The following TNFSF4 variants were observed in gnomAD, a reference collection of about 807,000 sequenced individuals.
TNFSF4 encodes the protein TNF superfamily member 4.
Under a neutral mutation model 7.3 loss-of-function variants are expected in TNFSF4, and 4 were observed. The ratio of observed to expected loss-of-function variants is 0.55; its 90% CI spans 0.27 to 1.25. The LOEUF (loss-of-function observed/expected upper bound fraction) is 1.25, where lower values mean the gene tolerates loss of function less well. TNFSF4 is among the 50% of genes most tolerant of loss of function. The pLI is 0.12. For missense variants in TNFSF4, 181 were observed against 208.8 expected (o/e 0.87, Z 0.82); for synonymous variants, 76 against 83.7 (o/e 0.91, Z 0.50).
At chr1:173,384,298 AAG>A in the TNFSF4 span, among the ~76,000 whole-genome samples, 2 of 152,220 alleles carry the variant, frequency 1.3e-5, no homozygotes, top group Admixed American at 6.5e-5. Flanking sequence ...GTACTATGGA[AAG>A]AAATAAAAAG....
At chr1:173,379,486 T>C in the TNFSF4 span, among the ~76,000 whole-genome samples, 29 of 152,096 alleles carry the variant, frequency 1.9e-4, no homozygotes, top group African/African-American at 6.3e-4. Context: ...CTTAAGAAAA[T>C]ATACTCCCCT....
At chr1:173,213,615 A>G in the TNFSF4 span, among the ~76,000 whole-genome samples, 1 of 152,254 alleles carries the variant, frequency 6.6e-6, no homozygotes, top group Non-Finnish European at 1.5e-5. Context: ...ATTTTAGACA[A>G]TAAATTGCAT....
At chr1:173,334,536 A>T in the TNFSF4 span, among the ~76,000 whole-genome samples, 4 of 152,176 alleles carry the variant, frequency 2.6e-5, no homozygotes, top group African/African-American at 9.7e-5. Context: ...TAAACATAGA[A>T]TCTCATCCTG....
chr1:173,317,046 A>G, the TNFSF4 span, among the ~76,000 whole-genome samples: 1 of 152,138 alleles, frequency 6.6e-6, no homozygotes, highest in African/African-American at 2.4e-5. Context: ...TCATTCTGGG[A>G]CTTCAGTCAT....
chr1:173,205,315 A>G (rs1378218463), intron 1 of TNFSF4: 2 of 1,612,056 alleles, frequency 1.2e-6, no homozygotes. Flanking sequence ...ACTCACCATG[A>G]GGTTTAGTGT....
At chr1:173,274,829 TAA>T in the TNFSF4 span, among the ~76,000 whole-genome samples, 1 of 152,118 alleles carries the variant, frequency 6.6e-6, no homozygotes, top group African/African-American at 2.4e-5. Context: ...ATTTGATAAG[TAA>T]AAAAGAGTAC....
At chr1:173,250,079 T>C in the TNFSF4 span, among the ~76,000 whole-genome samples, 1 of 152,164 alleles carries the variant, frequency 6.6e-6, no homozygotes, top group African/African-American at 2.4e-5. Flanking sequence ...CCAAAGAAAA[T>C]TTAGTGCTGA....
At chr1:173,297,114 G>C in the TNFSF4 span, among the ~76,000 whole-genome samples, 1 of 151,954 alleles carries the variant, frequency 6.6e-6, no homozygotes, top group Non-Finnish European at 1.5e-5. Context: ...TAGTGGGAGA[G>C]AAAGATACAG....
the TNFSF4 span, among the ~76,000 whole-genome samples, chr1:173,419,317 G>A: frequency 6.6e-5 from 10 of 151,372 alleles, no homozygotes; most frequent in Non-Finnish European, 1.2e-4. Context: ...ACTCCAGCCT[G>A]GGTGACAGAG....
the TNFSF4 span, among the ~76,000 whole-genome samples, chr1:173,177,764 T>C: frequency 6.6e-6 from 1 of 152,292 alleles, no homozygotes; most frequent in East Asian, 1.9e-4. Context: ...AAACTTGTTA[T>C]TATGGAACTT....
the TNFSF4 span, among the ~76,000 whole-genome samples, chr1:173,234,516 T>A: frequency 1.1e-4 from 17 of 152,156 alleles, no homozygotes; most frequent in Admixed American, 1.1e-3. Flanking sequence ...TGCAGCACTA[T>A]TCACAATAGC....
the TNFSF4 span, chr1:173,362,743 T>C: frequency 7.6e-6 from 3 of 395,536 alleles, no homozygotes; most frequent in African/African-American, 6.3e-5. Flanking sequence ...CAACACATCT[T>C]GAAGATACTT....
the TNFSF4 span, among the ~76,000 whole-genome samples, chr1:173,387,475 G>T: frequency 2.6e-5 from 4 of 152,136 alleles, no homozygotes; most frequent in Non-Finnish European, 5.9e-5. Flanking sequence ...AGAACCGTAA[G>T]AAATAAATTT....
chr1:173,248,883 T>A, the TNFSF4 span, among the ~76,000 whole-genome samples: 3 of 152,216 alleles, frequency 2.0e-5, no homozygotes, highest in African/African-American at 7.2e-5. Context: ...TACTTGATTA[T>A]TTTTTATTTG....
the TNFSF4 span, among the ~76,000 whole-genome samples, chr1:173,384,367 A>G: frequency 6.6e-6 from 1 of 152,346 alleles, no homozygotes; most frequent in Admixed American, 6.5e-5. Context: ...CACTGGGAAT[A>G]AACATTTGTG....
chr1:173,183,602 T>C (rs1300155737), downstream of TNFSF4: 2 of 152,168 alleles, frequency 1.3e-5, no homozygotes, highest in Non-Finnish European at 2.9e-5. Flanking sequence ...CTCAGATGTG[T>C]CTTTGATGGC....
the TNFSF4 span, among the ~76,000 whole-genome samples, chr1:173,356,036 A>G: frequency 6.6e-6 from 1 of 152,240 alleles, no homozygotes; most frequent in Non-Finnish European, 1.5e-5. Context: ...AGCACCCCCA[A>G]CTCATCATCT....
chr1:173,279,673 G>T, the TNFSF4 span, among the ~76,000 whole-genome samples: 1 of 151,992 alleles, frequency 6.6e-6, no homozygotes, highest in Non-Finnish European at 1.5e-5. Flanking sequence ...CATCGTAATT[G>T]CCTTCCCTTC....
the TNFSF4 span, among the ~76,000 whole-genome samples, chr1:173,334,028 C>A: frequency 2.0e-5 from 3 of 151,960 alleles, no homozygotes; most frequent in South Asian, 6.2e-4. Flanking sequence ...ATCATGTGAG[C>A]AAAATTTCTA....
Sources: allele counts gnomAD v4.1 joint callset (sites outside exome capture counted in the v4.1 genomes callset), GRCh38; gene constraint gnomAD v4.1.1; transcripts MANE v1.5; gene names NCBI Gene and HGNC (gene_info 2026-07-23, HGNC 2026-07-21).